CRYGA: variants seen among roughly 807,000 people sequenced by gnomAD.
CRYGA encodes gamma-crystallin A.
In CRYGA, 11 loss-of-function variants were observed where a neutral mutation model predicts 13.8. The ratio of observed to expected loss-of-function variants is 0.80; its 90% CI spans 0.50 to 1.32. CRYGA has a LOEUF of 1.32. CRYGA is among the 40% of genes most tolerant of loss of function. CRYGA has a pLI of 0.00. For missense variants in CRYGA, 271 were observed against 234.1 expected, an observed-to-expected ratio of 1.16 and a Z score of -1.03; for synonymous variants, 97 against 89.3, an observed-to-expected ratio of 1.09 and a Z score of -0.48.
intron 2 of CRYGA, among the ~76,000 whole-genome samples, chr2:208,162,897 CTTTCT>C (rs1461085659): frequency 1.9e-4 from 19 of 99,070 alleles, no homozygotes; most frequent in Admixed American, 1.0e-3. Flanking sequence ...TTTTTTCTTT[CTTTCT>C]TTTTTTTTTT....
chr2:208,161,134 C>A, intron 2 of CRYGA, 58 bp from the exon 3 acceptor site: 1 of 1,504,254 alleles, frequency 6.6e-7, no homozygotes, highest in South Asian at 1.2e-5. Context: ...TGGGTGTCAA[C>A]GAAAGTGACA....
At position 208,163,263 on chromosome 2, in the gene CRYGA, C is replaced by A. The variant is rs376230114; in HGVS notation, c.193G>T (p.Asp65Tyr). ...QYFLRRGKYP[D>Y]YQHWMGLSDS... ...CTGAGGCCCATCCAGTGCTGATAGT[C>A]GGGGTACTTGCCTCGGCGCAGGAAG... The change falls in exon 2 of 3, where the codon GAC (aspartate) becomes TAC (tyrosine). Residue 65 changes from aspartate to tyrosine, a missense_variant. Coordinates refer to ENST00000304502, the MANE Select transcript of CRYGA (RefSeq NM_014617.4). 6.2e-7 allele frequency: 1 copy of A among 1,613,948 alleles called. No homozygotes were observed. The highest frequency in any genetic ancestry group is 1.1e-5 in the South Asian group (1 of 91,064).
rs756072487 is a variant in CRYGA, at chr2:208,161,033, C to T, written c.296G>A (p.Arg99Gln). The change falls in exon 3 of 3, where the codon CGA becomes CAA. Residue 99 changes from arginine to glutamine, a missense_variant. Arg to Gln is a conservative substitution (Grantham distance 43, BLOSUM62 1). Coordinates refer to ENST00000304502, the MANE Select transcript of CRYGA (RefSeq NM_014617.4). ...KLRLYERDDY[R>Q]GLMSELTDDC... ...ATCAGTGAGCTCAGACATAAGGCCTCGGTAGTCATCTCTCTCGTACAGCCT... is the reference window on the plus strand; with the variant it reads ...ATCAGTGAGCTCAGACATAAGGCCTTGGTAGTCATCTCTCTCGTACAGCCT... The T allele has an allele frequency of 1.5e-5, 25 of 1,613,938 alleles. No individual in the cohort carries two copies. In the East Asian group the frequency reaches 2.5e-4, roughly 16 times the overall value.
Position 208,160,828 on chromosome 2 carries a change from C to T in CRYGA, c.501G>A (p.Leu167=), listed in dbSNP as rs1695740524. The part of the protein sequence containing the change: ...WGGADAKVGS[L]RRVTDLY ...CTTAGTACAAATCGGTGACCCGTCT[C>T]AAAGAGCCGACTTTGGCATCTGCAC... is the stretch of plus-strand genomic sequence containing the variant. Residue 167 remains leucine, a synonymous_variant, in exon 3 of 3, where the codon TTG becomes TTA. Coordinates refer to ENST00000304502, the MANE Select transcript of CRYGA (RefSeq NM_014617.4). The T allele has an allele frequency of 1.9e-6, 3 of 1,611,198 alleles. No individual in the cohort carries two copies. Among genetic ancestry groups the T allele is most frequent in the Non-Finnish European group, 2.5e-6 (3 of 1,177,484 alleles).
intron 2 of CRYGA, among the ~76,000 whole-genome samples, chr2:208,161,705 ACT>A (rs1194538279): frequency 6.8e-5 from 10 of 148,092 alleles, no homozygotes; most frequent in African/African-American, 2.5e-4. Flanking sequence ...GAGGATTTCA[ACT>A]CTCATTTCCA....
chr2:208,163,533 C>T lies in CRYGA; in HGVS notation c.9+15G>A, dbSNP rs148902669. 211 of 1,610,980 alleles carry T rather than the reference C, an allele frequency of 1.3e-4. 1 individual carries two copies. The African/African-American group carries it at 2.2e-3, about 17-fold the overall frequency. Reference sequence around the variant, plus strand: ...GACCCCCAATAGACATGGCACAGCACCTCCACAGGCTCACCTTCCCCATGG... The same window carrying T: ...GACCCCCAATAGACATGGCACAGCATCTCCACAGGCTCACCTTCCCCATGG... On this transcript the variant is annotated intron_variant, in intron 1 of 2. Transcript: ENST00000304502.
Position 208,163,284 on chromosome 2 carries a change from G to A in CRYGA, c.172C>T (p.Leu58=), listed in dbSNP as rs116623945. The A allele has an allele frequency of 2.6e-4, 413 of 1,614,058 alleles. No individual in the cohort carries two copies. In the Middle Eastern group the frequency reaches 8.7e-3, roughly 34 times the overall value. Residue 58 remains leucine, a synonymous_variant, in exon 2 of 3, where the codon CTG becomes TTG. Coordinates refer to ENST00000304502, the MANE Select transcript of CRYGA (RefSeq NM_014617.4). ...TAGTCGGGGTACTTGCCTCGGCGCAGGAAGTACTGGTGGCCCTGGTAATTG... is the reference window on the plus strand; with the variant it reads ...TAGTCGGGGTACTTGCCTCGGCGCAAGAAGTACTGGTGGCCCTGGTAATTG... ...RPNYQGHQYF[L]RRGKYPDYQH... is the part of the protein sequence containing the mutation.
chr2:208,163,159 G>A (rs993706566), intron 2 of CRYGA, 45 bp downstream of exon 2: 2 of 1,533,154 alleles, frequency 1.3e-6, no homozygotes, highest in African/African-American at 1.4e-5. Flanking sequence ...TGATGGCCAT[G>A]GATCATTGAT....
chr2:208,162,821 A>G (rs1327123234), intron 2 of CRYGA, among the ~76,000 whole-genome samples: 1 of 151,762 alleles, frequency 6.6e-6, no homozygotes, highest in Non-Finnish European at 1.5e-5. Flanking sequence ...CCTAGGCAAC[A>G]AGAGCGAAAG....
rs768265455 is a variant in CRYGA at position 208,160,953 on chromosome 2, C to T, written c.376G>A (p.Val126Ile). 1.4e-5 allele frequency: 23 copies of T among 1,613,424 alleles called. No homozygotes were observed. The highest frequency in any genetic ancestry group is 7.7e-5 in the South Asian group (7 of 91,072). The stretch of plus-strand genomic sequence containing the variant: ...TAGAGGACCCAGCAGCCCTCCAGTA[C>T]GTGGAGGGAATAGATCTCAGGGAGA... ...FRLPEIYSLH[V>I]LEGCWVLYEM... is the part of the protein sequence containing the mutation. The change falls in exon 3 of 3, where the codon GTA (valine) becomes ATA (isoleucine). Residue 126 changes from valine to isoleucine, a missense_variant. Transcript: ENST00000304502.
chr2:208,162,434 A>G (rs1165189998), intron 2 of CRYGA, among the ~76,000 whole-genome samples: 2 of 152,250 alleles, frequency 1.3e-5, no homozygotes, highest in African/African-American at 4.8e-5. Flanking sequence ...TTATAAATCC[A>G]CACAAGTTGA....
chr2:208,163,578 A>G lies in CRYGA; in HGVS notation c.-22T>C. 1 of 1,608,606 alleles carries G rather than the reference A, an allele frequency of 6.2e-7. No individual in the cohort carries two copies. The highest frequency in any genetic ancestry group is 1.1e-5 in the South Asian group (1 of 90,628). Reference sequence around the variant, plus strand: ...CCATGGTTGTTGACAGAGGGTGATTAGCATCTAGTATGATAGGGACAAAGG... The same window carrying G: ...CCATGGTTGTTGACAGAGGGTGATTGGCATCTAGTATGATAGGGACAAAGG... On this transcript the variant is annotated 5_prime_UTR_variant, in exon 1 of 3. Transcript: ENST00000304502.
rs1200627929 is a variant in CRYGA at position 208,163,297 on chromosome 2, G to A, written c.159C>T (p.Gly53=). Reference sequence around the variant, plus strand: ...TGCCTCGGCGCAGGAAGTACTGGTGGCCCTGGTAATTGGGACGCTCATAGA... The same window carrying A: ...TGCCTCGGCGCAGGAAGTACTGGTGACCCTGGTAATTGGGACGCTCATAGA... The part of the protein sequence containing the change: ...WMLYERPNYQ[G]HQYFLRRGKY... The change falls in exon 2 of 3, where the codon GGC becomes GGT. Residue 53 remains glycine (G), a synonymous_variant. Transcript: ENST00000304502. The A allele has an allele frequency of 3.1e-6, 5 of 1,613,946 alleles. No individual in the cohort carries two copies. The highest frequency in any genetic ancestry group is 3.4e-6 in the Non-Finnish European group (4 of 1,180,032).
In CRYGA at chr2:208,163,202, A is replaced by AAGTTGAAG. The variant is rs1695795008; in HGVS notation, c.252+1_252+2insCTTCAACT. The AAGTTGAAG allele has an allele frequency of 6.2e-7, 1 of 1,611,326 alleles. No homozygotes were observed. Among genetic ancestry groups the AAGTTGAAG allele is most frequent in the Non-Finnish European group, 8.5e-7 (1 of 1,178,556 alleles). On this transcript the variant is annotated splice_donor_variant, in intron 2 of 2. Transcript: ENST00000304502. LOFTEE classifies it high-confidence loss of function. ...CATCAGTCAAGTTGAAGCAAGACTCACATGAGGAATTATACGGCAGGATTG... is the reference window on the plus strand; with the variant it reads ...CATCAGTCAAGTTGAAGCAAGACTCAAGTTGAAGCATGAGGAATTATACGGCAGGATTG...
At chr2:208,163,135 T>C (rs1695793346) in intron 2 of CRYGA, 69 bp downstream of exon 2, 2 of 1,417,870 alleles carry the variant, frequency 1.4e-6, no homozygotes, top group South Asian at 1.2e-5. Flanking sequence ...AAACTGACTT[T>C]TATAAACAGG....
At chr2:208,163,062 T>A (rs552771632) in intron 2 of CRYGA, 142 bp downstream of exon 2, 224 of 655,108 alleles carry the variant, frequency 3.4e-4, no homozygotes, top group African/African-American at 1.2e-3. Context: ...CTTTTTTTTT[T>A]TATATATGTT....
In CRYGA at chr2:208,163,510, C is replaced by A. The variant is rs767569752; in HGVS notation, c.9+38G>T. ...AAGGAACATCCCCACACACCACAGA[C>A]CCCCAATAGACATGGCACAGCACCT... On this transcript the variant is annotated intron_variant, in intron 1 of 2. Transcript: ENST00000304502. 5 of 1,611,846 alleles carry A rather than the reference C, an allele frequency of 3.1e-6. No homozygotes were observed. In the South Asian group the frequency reaches 4.4e-5, roughly 14 times the overall value.
Position 208,163,403 on chromosome 2 carries a change from T to C in CRYGA, c.53A>G (p.Asn18Ser), listed in dbSNP as rs61743752. Residue 18 changes from asparagine (N) to serine (S), a missense_variant, in exon 2 of 3, where the codon AAT becomes AGT. Transcript: ENST00000304502. ...EDRDFQGRCY[N>S]CISDCPNLRV... ...CAGGTTGGGGCAGTCACTGATGCAA[T>C]TGTAGCAGCGACCCTGAAAGTCTCG... 2 of 1,613,540 alleles carry C rather than the reference T, an allele frequency of 1.2e-6. No homozygotes were observed. The highest frequency in any genetic ancestry group is 8.5e-7 in the Non-Finnish European group (1 of 1,179,900).
In CRYGA at chr2:208,163,233, A is replaced by G. The variant is rs1695796468; in HGVS notation, c.223T>C (p.Ser75Pro). ...DYQHWMGLSD[S>P]VQSCRIIPHT... ...GGAATTATACGGCAGGATTGGACCG[A>G]GTCGCTGAGGCCCATCCAGTGCTGA... Residue 75 changes from serine (S) to proline (P), a missense_variant, in exon 2 of 3, where the codon TCG (serine) becomes CCG (proline). Coordinates refer to ENST00000304502, the MANE Select transcript of CRYGA (RefSeq NM_014617.4). 1.2e-6 allele frequency: 2 copies of G among 1,613,806 alleles called. No individual in the cohort carries two copies. The highest frequency in any genetic ancestry group is 1.7e-6 in the Non-Finnish European group (2 of 1,179,960).
Sources: allele counts gnomAD v4.1 joint callset (sites outside exome capture counted in the v4.1 genomes callset), GRCh38; gene constraint gnomAD v4.1.1; transcripts MANE v1.5; gene names NCBI Gene and HGNC (gene_info 2026-07-23, HGNC 2026-07-21).